Variants in SMARCB1 observed in about 807,000 individuals in gnomAD.
The protein encoded by SMARCB1 is SWI/SNF-related matrix-associated actin-dependent regulator of chromatin subfamily B member 1.
SMARCB1 carries 5 observed loss-of-function variants against 49.0 expected under a neutral mutation model. The ratio of observed to expected loss-of-function variants is 0.10; its 90% CI spans 0.05 to 0.21. The LOEUF is 0.21. Ranked by LOEUF, SMARCB1 falls within the 10% of genes least tolerant of loss-of-function variation. The probability of loss-of-function intolerance (pLI) is 1.00; values close to 1 mark genes in which losing one functional copy is unlikely to be tolerated. For missense variants in SMARCB1, 226 were observed against 509.2 expected (o/e 0.44, Z 5.35); for synonymous variants, 201 against 200.1 (o/e 1.00, Z -0.04).
At chr22:23,825,153 G>A in intron 6 of SMARCB1, 72 bp from the exon 7 acceptor site, 1 of 1,352,646 alleles carries the variant, frequency 7.4e-7, no homozygotes, top group Non-Finnish European at 1.1e-6. Flanking sequence ...CCCAGGCCTG[G>A]CAGGGCCCCG....
intron 4 of SMARCB1, chr22:23,801,932 G>A (rs939254512): frequency 1.2e-4 from 19 of 161,880 alleles, no homozygotes; most frequent in African/African-American, 3.4e-4. Context: ...CCATCTCGGC[G>A]CGTGGAGATC....
rs1243962275 is a variant in SMARCB1 at position 23,834,594 on chromosome 22, G to A, written c.*414G>A. ...GAGTGGGGCCGGGGCCTGGGGGGACGAAGGTGGTATGTGAACAAGGTTGGC... is the reference window on the plus strand; with the variant it reads ...GAGTGGGGCCGGGGCCTGGGGGGACAAAGGTGGTATGTGAACAAGGTTGGC... On this transcript the variant is annotated 3_prime_UTR_variant, in exon 9 of 9. Coordinates refer to ENST00000644036, the MANE Select transcript of SMARCB1 (RefSeq NM_003073.5). The A allele has an allele frequency of 8.1e-5, 58 of 715,360 alleles. No homozygotes were observed. The highest frequency in any genetic ancestry group is 3.2e-4 in the South Asian group (21 of 65,984). The allele number at this position is 715,360 out of a possible 1,614,324, so 44.3% of individuals were successfully genotyped here.
intron 5 of SMARCB1, among the ~76,000 whole-genome samples, chr22:23,811,433 A>C (rs928361380): frequency 6.6e-6 from 1 of 152,238 alleles, no homozygotes; most frequent in Non-Finnish European, 1.5e-5. Flanking sequence ...GCACAGCCGA[A>C]TGCACATTCT....
In SMARCB1 at chr22:23,837,010, C is replaced by A. The variant is rs377205513; in HGVS notation, c.*2830C>A. 1.6e-6 allele frequency: 2 copies of A among 1,285,338 alleles called. No homozygotes were observed. The highest frequency in any genetic ancestry group is 2.1e-6 in the Non-Finnish European group (2 of 945,390). The allele number at this position is 1,285,338 out of a possible 1,614,324, so 79.6% of individuals were successfully genotyped here. ...AGCACAGGCCAGCACAGGTCCCCATCGGTGGGGATCCTTCTGAGGGTGGGG... is the reference window on the plus strand; with the variant it reads ...AGCACAGGCCAGCACAGGTCCCCATAGGTGGGGATCCTTCTGAGGGTGGGG... On this transcript the variant is annotated 3_prime_UTR_variant, in exon 9 of 9. Transcript: ENST00000644036.
intron 3 of SMARCB1, among the ~76,000 whole-genome samples, chr22:23,796,240 A>G (rs1033588956): frequency 1.3e-5 from 2 of 152,226 alleles, no homozygotes; most frequent in Admixed American, 1.3e-4. Flanking sequence ...GATTCTCTGT[A>G]GCATTGTGAA....
intron 7 of SMARCB1, 25 bp downstream of exon 7, chr22:23,825,440 C>T: frequency 1.9e-6 from 3 of 1,590,490 alleles, no homozygotes; most frequent in Non-Finnish European, 2.6e-6. Context: ...GAGTCTCTCC[C>T]TCCCTCATCT....
chr22:23,802,359 C>T (rs773035355), intron 4 of SMARCB1: 4 of 152,988 alleles, frequency 2.6e-5, no homozygotes, highest in African/African-American at 4.8e-5. Flanking sequence ...GGTTTAGCCC[C>T]GTTCTCCCTC....
chr22:23,817,130 G>A (rs1930242250), intron 6 of SMARCB1, 194 bp downstream of exon 6: 3 of 623,032 alleles, frequency 4.8e-6, no homozygotes, highest in Non-Finnish European at 8.7e-6. Context: ...ATAGTAAAGT[G>A]TTATATTCCG....
At chr22:23,810,973 G>T (rs1929834113) in intron 5 of SMARCB1, among the ~76,000 whole-genome samples, 1 of 150,944 alleles carries the variant, frequency 6.6e-6, no homozygotes, top group Non-Finnish European at 1.5e-5. Context: ...GGAGGTGGAG[G>T]TTGTGTTGAG....
chr22:23,816,187 G>C (rs1296931119), intron 5 of SMARCB1: 1 of 167,550 alleles, frequency 6.0e-6, no homozygotes, highest in East Asian at 1.6e-4. Context: ...GGTCTGGCTG[G>C]CCACAGATGG....
intron 7 of SMARCB1, 188 bp downstream of exon 7, chr22:23,825,603 G>T: frequency 1.6e-6 from 1 of 606,946 alleles, no homozygotes; most frequent in South Asian, 2.0e-5. Context: ...GCTGTGCCAG[G>T]TAGGGTTAGA....
At chr22:23,810,250 G>T (rs1306450195) in intron 5 of SMARCB1, among the ~76,000 whole-genome samples, 1 of 151,056 alleles carries the variant, frequency 6.6e-6, no homozygotes, top group South Asian at 2.1e-4. Flanking sequence ...AATGATTGCC[G>T]GCATGGTGGC....
chr22:23,822,299 G>T (rs1270102987), intron 6 of SMARCB1, among the ~76,000 whole-genome samples: 4 of 152,214 alleles, frequency 2.6e-5, no homozygotes, highest in Non-Finnish European at 5.9e-5. Flanking sequence ...ATCAGACCCT[G>T]TGGCACTGTC....
intron 5 of SMARCB1, among the ~76,000 whole-genome samples, chr22:23,807,152 A>C (rs948700990): frequency 1.3e-4 from 20 of 152,162 alleles, no homozygotes; most frequent in African/African-American, 4.6e-4. Context: ...TGCCATCTTC[A>C]CCCAGAAGGG....
chr22:23,817,388 C>T (rs984954817), intron 6 of SMARCB1: 2 of 259,078 alleles, frequency 7.7e-6, no homozygotes, highest in African/African-American at 2.2e-5. Flanking sequence ...TGGGCGCAGG[C>T]CTGCACCCTG....
chr22:23,823,253 G>A (rs1453300649), intron 6 of SMARCB1: 1 of 152,340 alleles, frequency 6.6e-6, no homozygotes, highest in Non-Finnish European at 1.5e-5. Context: ...GGGCAGGGAG[G>A]GCTTGCTGGG....
Position 23,835,208 on chromosome 22 carries a change from A to G in SMARCB1, c.*1028A>G. On this transcript the variant is annotated 3_prime_UTR_variant, in exon 9 of 9. Coordinates refer to ENST00000644036, the MANE Select transcript of SMARCB1 (RefSeq NM_003073.5). ...TCCCAGCCCTGCCTCCAAGGAGTTC[A>G]TGTCCCCTCTGTTCTCATCTGTAAT... 1 of 1,267,312 alleles carries G rather than the reference A, an allele frequency of 7.9e-7. No homozygotes were observed. Among genetic ancestry groups the G allele is most frequent in the East Asian group, 3.2e-5 (1 of 30,842 alleles). 78.5% of individuals were successfully genotyped at this position (1,267,312 alleles called of 1,614,324 possible).
In SMARCB1 at chr22:23,787,247, C is replaced by T. The variant is rs374962941; in HGVS notation, c.78C>T (p.Tyr26=). 3 of 1,602,348 alleles carry T rather than the reference C, an allele frequency of 1.9e-6. No individual in the cohort carries two copies. In the African/African-American group the frequency reaches 4.1e-5, roughly 22 times the overall value. The change falls in exon 1 of 9, where the codon TAC becomes TAT. Residue 26 remains tyrosine, a synonymous_variant. Coordinates refer to ENST00000644036, the MANE Select transcript of SMARCB1 (RefSeq NM_003073.5). ...AGCTGGAGGACGACGGCGAGTTCTA[C>T]ATGATCGGCTCCGAGGTAGCCCGGG... ...KFQLEDDGEF[Y]MIGSEVGNYL...
chr22:23,805,460 C>T (rs896355027), intron 5 of SMARCB1, among the ~76,000 whole-genome samples: 13 of 152,228 alleles, frequency 8.5e-5, no homozygotes, highest in African/African-American at 3.1e-4. Context: ...TTCTCTCCCT[C>T]TCCATTTCAA....
Sources: allele counts gnomAD v4.1 joint callset (sites outside exome capture counted in the v4.1 genomes callset), GRCh38; gene constraint gnomAD v4.1.1; transcripts MANE v1.5; gene names NCBI Gene and HGNC (gene_info 2026-07-23, HGNC 2026-07-21).